ARHGEF12: variants seen among roughly 807,000 people sequenced by gnomAD.
The protein encoded by ARHGEF12 is Rho guanine nucleotide exchange factor 12, also known as KMT2A/ARHGEF12 fusion protein.
ARHGEF12 carries 66 observed loss-of-function variants against 211.2 expected under a neutral mutation model. The ratio of observed to expected loss-of-function variants is 0.31; its 90% CI spans 0.26 to 0.38. The LOEUF is 0.38. ARHGEF12 is among the 10% of genes least tolerant of loss of function. ARHGEF12 has a pLI of 1.00. For missense variants in ARHGEF12, 1,429 were observed against 1,869.5 expected, an observed-to-expected ratio of 0.76 and a Z score of 4.34; for synonymous variants, 592 against 638.4, an observed-to-expected ratio of 0.93 and a Z score of 1.09.
chr11:120,441,037 G>C (rs1273302862), intron 13 of ARHGEF12, among the ~76,000 whole-genome samples: 15 of 152,042 alleles, frequency 9.9e-5, no homozygotes, highest in Admixed American at 9.8e-4. Context: ...AACCTCAGTT[G>C]GTCATGATAT....
At chr11:120,460,136 C>T (rs780218537) in intron 26 of ARHGEF12, among the ~76,000 whole-genome samples, 1 of 152,216 alleles carries the variant, frequency 6.6e-6, no homozygotes, top group Non-Finnish European at 1.5e-5. Context: ...ATGTTCCTCT[C>T]ATTTATAGGT....
chr11:120,479,362 AAC>A (rs1407022578), intron 37 of ARHGEF12, among the ~76,000 whole-genome samples: 9 of 152,254 alleles, frequency 5.9e-5, no homozygotes, highest in African/African-American at 2.2e-4. Context: ...CTCCTGAATT[AAC>A]AGTCTTAATA....
chr11:120,457,593 ATTATT>A (rs1330098093), intron 23 of ARHGEF12, 123 bp from the exon 24 acceptor site: 1 of 617,252 alleles, frequency 1.6e-6, no homozygotes, highest in African/African-American at 1.9e-5. Context: ...TTTATATTAA[ATTATT>A]ACAATATCCC....
intron 1 of ARHGEF12, among the ~76,000 whole-genome samples, chr11:120,343,781 T>G (rs986489746): frequency 6.6e-6 from 1 of 152,226 alleles, no homozygotes. Context: ...ATGCTTTCAA[T>G]TAGCTGCTTG....
intron 22 of ARHGEF12, among the ~76,000 whole-genome samples, chr11:120,456,172 A>C (rs1946355451): frequency 6.6e-6 from 1 of 152,202 alleles, no homozygotes; most frequent in Admixed American, 6.5e-5. Flanking sequence ...GGAGTAGTTC[A>C]TTATGGCTGC....
chr11:120,347,147 C>CTTTCTTTCTTTCTTT (rs1491449720), intron 1 of ARHGEF12, among the ~76,000 whole-genome samples: 14 of 46,508 alleles, frequency 3.0e-4, no homozygotes, highest in Non-Finnish European at 4.3e-4. Context: ...TTCCTTCCTT[C>CTTTCTTTCTTTCTTT]CTTCCTTCCT....
chr11:120,377,127 C>G (rs1365847210), intron 1 of ARHGEF12, among the ~76,000 whole-genome samples: 1 of 152,158 alleles, frequency 6.6e-6, no homozygotes, highest in African/African-American at 2.4e-5. Flanking sequence ...CTTTGATATA[C>G]TGACTTCCTT....
At chr11:120,478,744 G>A (rs147662545) in intron 37 of ARHGEF12, among the ~76,000 whole-genome samples, 2,781 of 152,336 alleles carry the variant, frequency 0.018, 44 homozygotes, top group Non-Finnish European at 0.027. Context: ...GCTGAAAGCG[G>A]TGGAAGGATT....
rs899812463 is a variant in ARHGEF12, at chr11:120,487,097, G to A, written c.*2020G>A. On this transcript the variant is annotated 3_prime_UTR_variant, in exon 41 of 41. Transcript: ENST00000397843. ...GTAGCCACTTGACACTAACACCATC[G>A]AGGGCAATTAATCAGGAGAAAAGTA... The A allele has an allele frequency of 6.0e-5, 13 of 216,700 alleles. No homozygotes were observed. Among genetic ancestry groups the A allele is most frequent in the Non-Finnish European group, 1.0e-4 (11 of 107,810 alleles). The allele number at this position is 216,700 out of a possible 1,614,324, so 13.4% of individuals were successfully genotyped here.
chr11:120,472,907 A>C, intron 30 of ARHGEF12, 143 bp from the exon 31 acceptor site: 1 of 637,592 alleles, frequency 1.6e-6, no homozygotes, highest in East Asian at 2.9e-5. Flanking sequence ...CACCTGCCTC[A>C]GCCTCCCAAA....
chr11:120,442,246 G>A, intron 15 of ARHGEF12, 44 bp downstream of exon 15: 1 of 1,441,428 alleles, frequency 6.9e-7, no homozygotes, highest in Non-Finnish European at 9.5e-7. Context: ...TTAGTACATG[G>A]AATTATTGTC....
At chr11:120,364,459 G>A (rs978082058) in intron 1 of ARHGEF12, among the ~76,000 whole-genome samples, 1 of 152,082 alleles carries the variant, frequency 6.6e-6, no homozygotes, top group African/African-American at 2.4e-5. Context: ...GCCAATTTTG[G>A]TATATATCTC....
intron 29 of ARHGEF12, among the ~76,000 whole-genome samples, chr11:120,468,227 T>G (rs1301764682): frequency 6.6e-6 from 1 of 152,238 alleles, no homozygotes; most frequent in Admixed American, 6.5e-5. Flanking sequence ...ATCTTGTTTC[T>G]TGTGCCTGAG....
intron 1 of ARHGEF12, among the ~76,000 whole-genome samples, chr11:120,370,568 G>A (rs1943561271): frequency 1.3e-5 from 2 of 151,888 alleles, no homozygotes; most frequent in Admixed American, 6.6e-5. Flanking sequence ...GGAGAAAATA[G>A]GCATATTTAT....
chr11:120,450,856 GTC>G (rs1252037463), intron 21 of ARHGEF12: 1 of 152,296 alleles, frequency 6.6e-6, no homozygotes, highest in Admixed American at 6.6e-5. Context: ...ACAGCTCCAT[GTC>G]TCTCAGCATT....
intron 1 of ARHGEF12, chr11:120,365,520 C>T (rs548607271): frequency 8.5e-5 from 13 of 152,114 alleles, no homozygotes; most frequent in Non-Finnish European, 1.8e-4. Flanking sequence ...AAGTTTGGCT[C>T]TTAAAAAATA....
At position 120,487,593 on chromosome 11, in the gene ARHGEF12, AGAG is replaced by A. The variant is rs1428642298; in HGVS notation, c.*2520_*2522del. 4.7e-6 allele frequency: 1 copy of A among 211,898 alleles called. No homozygotes were observed. Among genetic ancestry groups the A allele is most frequent in the Non-Finnish European group, 9.6e-6 (1 of 104,588 alleles). The allele number at this position is 211,898 out of a possible 1,614,324, so 13.1% of individuals were successfully genotyped here. ...TCTTTGAGTGAGACTGGTCACCATC[AGAG>A]GAGTTTTTTCTAAGTGACGTGACTA... is the stretch of plus-strand genomic sequence containing the variant. On this transcript the variant is annotated 3_prime_UTR_variant, in exon 41 of 41. Transcript: ENST00000397843.
chr11:120,346,208 T>C (rs1428217157), intron 1 of ARHGEF12, among the ~76,000 whole-genome samples: 2 of 152,232 alleles, frequency 1.3e-5, no homozygotes, highest in East Asian at 3.8e-4. Context: ...CTGTCTTCTT[T>C]TGCTAGGTTA....
intron 1 of ARHGEF12, among the ~76,000 whole-genome samples, chr11:120,377,125 T>A (rs1231524394): frequency 6.6e-6 from 1 of 152,212 alleles, no homozygotes; most frequent in African/African-American, 2.4e-5. Context: ...CTCTTTGATA[T>A]ACTGACTTCC....
Sources: allele counts gnomAD v4.1 joint callset (sites outside exome capture counted in the v4.1 genomes callset), GRCh38; gene constraint gnomAD v4.1.1; transcripts MANE v1.5; gene names NCBI Gene and HGNC (gene_info 2026-07-23, HGNC 2026-07-21).